CNIH3: variants seen among roughly 807,000 people sequenced by gnomAD.
The protein encoded by CNIH3 is cornichon family AMPA receptor auxiliary protein 3.
In CNIH3, 14 loss-of-function variants were observed where a neutral mutation model predicts 24.1. The ratio of observed to expected loss-of-function variants is 0.58; its 90% CI spans 0.38 to 0.91. The LOEUF (loss-of-function observed/expected upper bound fraction) is 0.91, where lower values mean the gene tolerates loss of function less well. Among genes scored for constraint, CNIH3 ranks in the 40% least tolerant of loss-of-function variants. CNIH3 has a pLI of 0.00. For missense variants in CNIH3, 178 were observed against 196.8 expected (o/e 0.90, Z 0.57); for synonymous variants, 68 against 73.8 (o/e 0.92, Z 0.40).
chr1:224,455,023 A>G (rs886511271), intron 1 of CNIH3, among the ~76,000 whole-genome samples: 9 of 152,168 alleles, frequency 5.9e-5, no homozygotes, highest in Non-Finnish European at 1.2e-4. Flanking sequence ...GTAAGTCGAA[A>G]ATGCATTTAA....
chr1:224,514,358 T>G (rs1037964384), upstream of CNIH3, among the ~76,000 whole-genome samples: 2 of 152,212 alleles, frequency 1.3e-5, no homozygotes, highest in Non-Finnish European at 2.9e-5. Context: ...CCAGGGTTTC[T>G]GAGTCCACAG....
chr1:224,531,605 G>A (rs532268773), intron 2 of CNIH3, among the ~76,000 whole-genome samples: 1 of 152,338 alleles, frequency 6.6e-6, no homozygotes, highest in South Asian at 2.1e-4. Flanking sequence ...GTTATGCAGA[G>A]AATGAAAGAA....
chr1:224,629,848 C>T (rs2125076676), intron 1 of CNIH3, among the ~76,000 whole-genome samples: 2 of 152,274 alleles, frequency 1.3e-5, no homozygotes, highest in Middle Eastern at 3.4e-3. Context: ...GGACCCACTT[C>T]ATGCATTTGC....
At chr1:224,585,477 C>CTT (rs200807437) in intron 5 of CNIH3, among the ~76,000 whole-genome samples, 17 of 145,302 alleles carry the variant, frequency 1.2e-4, no homozygotes, top group East Asian at 1.0e-3. Context: ...TTCTTTTATT[C>CTT]TTTTTTTTTT....
Position 224,460,648 on chromosome 1 carries a change from T to C in CNIH3, n.203+25786T>C, listed in dbSNP as rs192643110. Reference sequence around the variant, plus strand: ...AATCCATTCACCTGTCGATGGACATTTGGATCACTTCCAATATTTGGCTAT... The same window carrying C: ...AATCCATTCACCTGTCGATGGACATCTGGATCACTTCCAATATTTGGCTAT... On this transcript the variant is annotated intron_variant and non_coding_transcript_variant, in intron 1 of 5. Transcript: ENST00000471578. 1.9e-3 allele frequency among the ~76,000 whole-genome samples: 292 copies of C among 152,350 alleles called. 1 individual carries two copies. Among genetic ancestry groups the C allele is most frequent in the African/African-American group, 4.4e-3 (181 of 41,586 alleles).
At chr1:224,696,173 T>C (rs930268182) in intron 3 of CNIH3, among the ~76,000 whole-genome samples, 1 of 152,218 alleles carries the variant, frequency 6.6e-6, no homozygotes, top group Non-Finnish European at 1.5e-5. Context: ...TCTTTGGAGC[T>C]CTGTCATTTT....
At chr1:224,730,968 C>T (rs534597671) in intron 4 of CNIH3, among the ~76,000 whole-genome samples, 9 of 151,968 alleles carry the variant, frequency 5.9e-5, no homozygotes, top group Non-Finnish European at 1.0e-4. Flanking sequence ...AACATGAAGC[C>T]CTAAAGAAAG....
intron 1 of CNIH3, among the ~76,000 whole-genome samples, chr1:224,487,804 G>A (rs1050981221): frequency 3.9e-5 from 6 of 152,112 alleles, no homozygotes; most frequent in African/African-American, 1.2e-4. Flanking sequence ...AGCAGGGATC[G>A]CCATAAGCAA....
At chr1:224,484,428 T>TA (rs546804957) in intron 1 of CNIH3, among the ~76,000 whole-genome samples, 3,952 of 143,468 alleles carry the variant, frequency 0.028, 100 homozygotes, top group East Asian at 0.1. Flanking sequence ...AGACTCTGTT[T>TA]AAAAAAAAAA....
In CNIH3 at chr1:224,656,227, A is replaced by C. The variant is rs79004001; in HGVS notation, c.82-24731A>C. On this transcript the variant is annotated intron_variant, in intron 1 of 5. Coordinates refer to ENST00000272133, the MANE Select transcript of CNIH3 (RefSeq NM_152495.2). ...ATTCCACTTATAATGGGAAATACTC[A>C]AAGTACCTGGTTTGCATCTGGCGCA... is the stretch of plus-strand genomic sequence containing the variant. 2.8e-3 allele frequency among the ~76,000 whole-genome samples: 432 copies of C among 152,310 alleles called. 8 individuals are homozygous for C. The East Asian group carries it at 0.03, about 11-fold the overall frequency.
downstream of CNIH3, among the ~76,000 whole-genome samples, chr1:224,588,848 T>G (rs1035189338): frequency 6.6e-6 from 1 of 151,872 alleles, no homozygotes; most frequent in African/African-American, 2.4e-5. Context: ...AAGGACCAGC[T>G]TCTCAGGCTT....
chr1:224,493,423 T>A (rs745317405), intron 1 of CNIH3, among the ~76,000 whole-genome samples: 4 of 152,032 alleles, frequency 2.6e-5, no homozygotes, highest in Non-Finnish European at 5.9e-5. Context: ...GTTTTGGGAG[T>A]GGGGTAGGGA....
At chr1:224,563,357 G>A (rs1680451529) in intron 3 of CNIH3, among the ~76,000 whole-genome samples, 3 of 152,116 alleles carry the variant, frequency 2.0e-5, no homozygotes, top group Admixed American at 1.3e-4. Context: ...GTCAGAGAAG[G>A]GGAGAGAAGG....
rs1276015286 is a variant in CNIH3 at position 224,684,710 on chromosome 1, A to G, written c.151-86A>G. 5.7e-6 allele frequency: 7 copies of G among 1,223,754 alleles called. No individual in the cohort carries two copies. In the African/African-American group the frequency reaches 6.0e-5, roughly 11 times the overall value. 75.8% of individuals were successfully genotyped at this position (1,223,754 alleles called of 1,614,324 possible). A position where few individuals can be genotyped will look rare whatever the true frequency, so the allele number is the denominator to read the frequency against. ...GTCTCTGGTGGCTTCTGCCTCCACT[A>G]TTGGGGCTGATTGCGGGGCCTTCTC... On this transcript the variant is annotated intron_variant, in intron 2 of 5. Coordinates refer to ENST00000272133, the MANE Select transcript of CNIH3 (RefSeq NM_152495.2). This position sits in a 1 kb window ranked among gnomAD's most constrained non-coding sequence, Gnocchi z 4.2.
chr1:224,645,273 G>A (rs1684547727), intron 1 of CNIH3, among the ~76,000 whole-genome samples: 1 of 151,892 alleles, frequency 6.6e-6, no homozygotes, highest in Non-Finnish European at 1.5e-5. Flanking sequence ...TACTTTCTTG[G>A]GTCTTGCCCT....
At chr1:224,457,275 CTGTGTGTGTGTGTG>C (rs1168012940) in intron 1 of CNIH3, among the ~76,000 whole-genome samples, 1 of 42,702 alleles carries the variant, frequency 2.3e-5, no homozygotes, top group Non-Finnish European at 5.1e-5. Flanking sequence ...CTCTCTCTCT[CTGTGTGTGTGTGTG>C]TGTGTGTGTG....
In CNIH3 at chr1:224,493,530, C is replaced by T. The variant is rs1677318414; in HGVS notation, n.204-22211C>T. Among the ~76,000 whole-genome samples, 4 of 152,044 alleles carry T rather than the reference C, an allele frequency of 2.6e-5. No homozygotes were observed. The South Asian group carries it at 8.3e-4, about 32-fold the overall frequency. On this transcript the variant is annotated intron_variant and non_coding_transcript_variant, in intron 1 of 5. Coordinates refer to the CNIH3 transcript ENST00000471578. ...AGCAAAAATTATGAAAAGTAAACACCTGGGAGTGGCAGAGAGGGGAGCAGG... is the reference window on the plus strand; with the variant it reads ...AGCAAAAATTATGAAAAGTAAACACTTGGGAGTGGCAGAGAGGGGAGCAGG...
intron 4 of CNIH3, among the ~76,000 whole-genome samples, chr1:224,582,108 C>T (rs1681300758): frequency 6.6e-6 from 1 of 152,172 alleles, no homozygotes; most frequent in Non-Finnish European, 1.5e-5. Context: ...TCCTGACAAC[C>T]TTTGCCTTTT....
At chr1:224,475,901 C>T (rs1676569617) in intron 1 of CNIH3, among the ~76,000 whole-genome samples, 1 of 152,028 alleles carries the variant, frequency 6.6e-6, no homozygotes, top group African/African-American at 2.4e-5. Context: ...TCATCATTAC[C>T]AAGTGGGGTT....
Sources: allele counts gnomAD v4.1 joint callset (sites outside exome capture counted in the v4.1 genomes callset), GRCh38; gene constraint gnomAD v4.1.1; non-coding constraint Gnocchi (gnomAD v3.1); transcripts MANE v1.5; gene names NCBI Gene and HGNC (gene_info 2026-07-23, HGNC 2026-07-21).